The following FBXW7 variants were observed in gnomAD, a reference collection of about 807,000 sequenced individuals.
FBXW7 encodes F-box/WD repeat-containing protein 7.
In FBXW7, 11 loss-of-function variants were observed where a neutral mutation model predicts 86.3. That is an observed-to-expected ratio of 0.13 (90% CI 0.08 to 0.21). FBXW7 has a LOEUF of 0.21. Among genes scored for constraint, FBXW7 ranks in the 10% least tolerant of loss-of-function variants. The pLI is 1.00. For missense variants in FBXW7, 488 were observed against 847.4 expected, an observed-to-expected ratio of 0.58 and a Z score of 5.27; for synonymous variants, 313 against 297.9, an observed-to-expected ratio of 1.05 and a Z score of -0.52.
intron 2 of FBXW7, among the ~76,000 whole-genome samples, chr4:152,454,698 A>G (rs1298876762): frequency 6.6e-6 from 1 of 152,180 alleles, no homozygotes; most frequent in Non-Finnish European, 1.5e-5. Flanking sequence ...CTAAAAATGT[A>G]GTAATAATTA....
chr4:152,458,395 T>C (rs1256287111), intron 2 of FBXW7, among the ~76,000 whole-genome samples: 3 of 152,240 alleles, frequency 2.0e-5, no homozygotes, highest in Non-Finnish European at 2.9e-5. Flanking sequence ...TCTATTTTCA[T>C]CTTTTAAGAG....
intron 2 of FBXW7, among the ~76,000 whole-genome samples, chr4:152,469,013 G>A (rs1159126789): frequency 1.3e-5 from 2 of 151,980 alleles, no homozygotes; most frequent in Non-Finnish European, 2.9e-5. Context: ...CAGTATAACT[G>A]TTGAACATTT....
At chr4:152,487,969 T>C (rs1745492664) in intron 2 of FBXW7, among the ~76,000 whole-genome samples, 1 of 152,022 alleles carries the variant, frequency 6.6e-6, no homozygotes, top group Non-Finnish European at 1.5e-5. Flanking sequence ...AAAATGATTC[T>C]AATAAGCAAA....
chr4:152,366,397 G>A (rs966733730), intron 4 of FBXW7, among the ~76,000 whole-genome samples: 5 of 152,064 alleles, frequency 3.3e-5, no homozygotes, highest in Admixed American at 6.6e-5. Flanking sequence ...GCTTGTTAAA[G>A]TACACCACTT....
At chr4:152,459,523 A>G (rs991642304) in intron 2 of FBXW7, among the ~76,000 whole-genome samples, 2 of 151,824 alleles carry the variant, frequency 1.3e-5, no homozygotes, top group African/African-American at 4.8e-5. Context: ...CAGGTGATCA[A>G]TGGAGAGTCA....
intron 2 of FBXW7, among the ~76,000 whole-genome samples, chr4:152,492,117 C>T (rs1167103088): frequency 1.3e-5 from 2 of 152,150 alleles, no homozygotes; most frequent in Non-Finnish European, 2.9e-5. Context: ...AGCTTTGCCT[C>T]TTCTAGAACT....
At chr4:152,417,073 G>A (rs1461206479) in intron 2 of FBXW7, among the ~76,000 whole-genome samples, 2 of 151,966 alleles carry the variant, frequency 1.3e-5, no homozygotes, top group South Asian at 2.1e-4. Context: ...GTGCTCCATC[G>A]CTAGCTCCTC....
At chr4:152,330,297 T>C (rs1159987080) in intron 9 of FBXW7, among the ~76,000 whole-genome samples, 2 of 151,950 alleles carry the variant, frequency 1.3e-5, no homozygotes, top group Non-Finnish European at 2.9e-5. Context: ...CTTTATGTAT[T>C]TGAAATGTTA....
chr4:152,322,126 G>A lies in FBXW7; in HGVS notation c.*755C>T. The A allele has an allele frequency of 4.3e-6, 1 of 233,188 alleles. No homozygotes were observed. The highest frequency in any genetic ancestry group is 8.5e-6 in the Non-Finnish European group (1 of 117,748). The allele number at this position is 233,188 out of a possible 1,614,324, so 14.4% of individuals were successfully genotyped here. ...GTTTGGCCACTGGGAGTACAGTACA[G>A]GGTTGGGACAACAATCCCATATTTG... On this transcript the variant is annotated 3_prime_UTR_variant, in exon 14 of 14. Transcript: ENST00000281708.
intron 4 of FBXW7, among the ~76,000 whole-genome samples, chr4:152,394,675 T>C (rs1325330434): frequency 1.3e-5 from 2 of 152,104 alleles, no homozygotes; most frequent in African/African-American, 4.8e-5. Context: ...AACATTACAA[T>C]AATTAACCTT....
At chr4:152,339,316 C>G (rs1730476917) in intron 6 of FBXW7, among the ~76,000 whole-genome samples, 1 of 152,144 alleles carries the variant, frequency 6.6e-6, no homozygotes, top group Non-Finnish European at 1.5e-5. Context: ...GTAAAATACT[C>G]ATAAACATGT....
chr4:152,464,055 T>C (rs1231284125), intron 2 of FBXW7, among the ~76,000 whole-genome samples: 1 of 152,204 alleles, frequency 6.6e-6, no homozygotes, highest in African/African-American at 2.4e-5. Context: ...AGTTTTATCT[T>C]GGAAATAATA....
At chr4:152,516,260 G>A (rs927485303) in intron 2 of FBXW7, among the ~76,000 whole-genome samples, 7 of 152,222 alleles carry the variant, frequency 4.6e-5, no homozygotes, top group South Asian at 2.1e-4. Flanking sequence ...AAACCCGGCC[G>A]CACAGCAGGA....
At chr4:152,481,036 A>G (rs774551224) in intron 2 of FBXW7, among the ~76,000 whole-genome samples, 1 of 152,242 alleles carries the variant, frequency 6.6e-6, no homozygotes, top group Non-Finnish European at 1.5e-5. Flanking sequence ...TACTGGAAGA[A>G]GAAGCCATGT....
intron 2 of FBXW7, among the ~76,000 whole-genome samples, chr4:152,430,089 G>C (rs1026942072): frequency 2.6e-5 from 4 of 152,180 alleles, no homozygotes; most frequent in African/African-American, 9.6e-5. Context: ...TCAGAAACTT[G>C]AAGATCTAAG....
intron 6 of FBXW7, among the ~76,000 whole-genome samples, chr4:152,344,503 A>G (rs1450657183): frequency 1.3e-5 from 2 of 151,680 alleles, no homozygotes; most frequent in Admixed American, 1.3e-4. Context: ...ACCAAAAGCT[A>G]TTCTAACATT....
At chr4:152,356,826 T>C (rs1305349019) in intron 4 of FBXW7, among the ~76,000 whole-genome samples, 1 of 152,154 alleles carries the variant, frequency 6.6e-6, no homozygotes, top group South Asian at 2.1e-4. Flanking sequence ...CTAACACAAA[T>C]AGGTGGCAGT....
chr4:152,495,417 G>A (rs1013573867), intron 2 of FBXW7, among the ~76,000 whole-genome samples: 1 of 152,026 alleles, frequency 6.6e-6, no homozygotes, highest in African/African-American at 2.4e-5. Flanking sequence ...CTTCAGCCTG[G>A]GCAACAGAGT....
At chr4:152,461,252 C>A (rs1027018804) in intron 2 of FBXW7, among the ~76,000 whole-genome samples, 1 of 152,012 alleles carries the variant, frequency 6.6e-6, no homozygotes, top group East Asian at 1.9e-4. Flanking sequence ...GACTCCACCA[C>A]AAAATAAAAT....
Sources: allele counts gnomAD v4.1 joint callset (sites outside exome capture counted in the v4.1 genomes callset), GRCh38; gene constraint gnomAD v4.1.1; transcripts MANE v1.5; gene names NCBI Gene and HGNC (gene_info 2026-07-23, HGNC 2026-07-21).